The following LDLRAD4 variants were observed in gnomAD, a reference collection of about 807,000 sequenced individuals.
LDLRAD4 encodes the protein low density lipoprotein receptor class A domain containing 4.
A neutral mutation model predicts 17.0 loss-of-function variants in LDLRAD4; 5 were observed. The ratio of observed to expected loss-of-function variants is 0.29; its 90% CI spans 0.15 to 0.62. LDLRAD4 has a LOEUF of 0.62. Among genes scored for constraint, LDLRAD4 ranks in the 20% least tolerant of loss-of-function variants. The probability of loss-of-function intolerance (pLI) is 0.84; values close to 1 mark genes in which losing one functional copy is unlikely to be tolerated. For missense variants in LDLRAD4, 340 were observed against 424.7 expected, an observed-to-expected ratio of 0.80 and a Z score of 1.75; for synonymous variants, 168 against 171.8, an observed-to-expected ratio of 0.98 and a Z score of 0.17.
chr18:13,635,891 G>T (rs928930341), intron 4 of LDLRAD4, among the ~76,000 whole-genome samples: 3 of 151,862 alleles, frequency 2.0e-5, no homozygotes, highest in Admixed American at 6.6e-5. Flanking sequence ...CTAGACTAAC[G>T]TTAGAGTTCC....
At chr18:13,395,167 G>A (rs1344983270) in intron 2 of LDLRAD4, among the ~76,000 whole-genome samples, 1 of 152,030 alleles carries the variant, frequency 6.6e-6, no homozygotes, top group Non-Finnish European at 1.5e-5. Context: ...ATAATGGCCA[G>A]TGAGTAGGTT....
intron 1 of LDLRAD4, among the ~76,000 whole-genome samples, chr18:13,252,356 T>C (rs1469303124): frequency 6.6e-6 from 1 of 152,190 alleles, no homozygotes; most frequent in Non-Finnish European, 1.5e-5. Context: ...CTCGAACTCC[T>C]GAGCTCAGGT....
intron 2 of LDLRAD4, among the ~76,000 whole-genome samples, chr18:13,437,377 G>A (rs1314464492): frequency 6.6e-6 from 1 of 152,246 alleles, no homozygotes; most frequent in East Asian, 1.9e-4. Context: ...GACAGTCACT[G>A]TAAGATGTAA....
At chr18:13,246,689 A>C (rs2042972559) in intron 1 of LDLRAD4, among the ~76,000 whole-genome samples, 1 of 152,224 alleles carries the variant, frequency 6.6e-6, no homozygotes, top group Non-Finnish European at 1.5e-5. Context: ...GTGTCTTGGA[A>C]AATTGGCCTC....
At chr18:13,507,196 G>T (rs2093707648) in intron 3 of LDLRAD4, among the ~76,000 whole-genome samples, 1 of 151,618 alleles carries the variant, frequency 6.6e-6, no homozygotes, top group African/African-American at 2.4e-5. Flanking sequence ...TAGGTTTTTT[G>T]GGGAACAGGT....
At chr18:13,246,053 A>G (rs1598876753) in intron 1 of LDLRAD4, among the ~76,000 whole-genome samples, 2 of 152,368 alleles carry the variant, frequency 1.3e-5, no homozygotes, top group Middle Eastern at 3.4e-3. Context: ...TTAAAAATGC[A>G]TTGTTAAAAA....
intron 3 of LDLRAD4, among the ~76,000 whole-genome samples, chr18:13,528,669 A>G (rs544801174): frequency 3.3e-5 from 5 of 152,286 alleles, no homozygotes; most frequent in African/African-American, 7.2e-5. Context: ...GGTTAGTATA[A>G]TTTACGTAAG....
chr18:13,493,497 T>C (rs979508921), intron 3 of LDLRAD4, among the ~76,000 whole-genome samples: 3 of 152,184 alleles, frequency 2.0e-5, no homozygotes, highest in Non-Finnish European at 4.4e-5. Flanking sequence ...TGTTTCCTCT[T>C]TTGCACTGTG....
chr18:13,595,776 G>A (rs563132146), intron 3 of LDLRAD4, among the ~76,000 whole-genome samples: 3 of 152,212 alleles, frequency 2.0e-5, no homozygotes, highest in South Asian at 4.2e-4. Flanking sequence ...TATATATTGG[G>A]TGATTTCAAT....
At position 13,353,472 on chromosome 18, in the gene LDLRAD4, T is replaced by G. The variant is rs533957677; in HGVS notation, c.-382-33869T>G. Among the ~76,000 whole-genome samples, 123 of 152,370 alleles carry G rather than the reference T, an allele frequency of 8.1e-4. 1 individual carries two copies. Among genetic ancestry groups the G allele is most frequent in the Admixed American group, 3.4e-3 (52 of 15,304 alleles). On this transcript the variant is annotated intron_variant, in intron 1 of 5. Coordinates refer to ENST00000359446, the Ensembl canonical transcript of LDLRAD4. The stretch of plus-strand genomic sequence containing the variant: ...CTCTCACCTTGGCTGCTGGACCTTA[T>G]GTATTCTATTGTATTCCTCTGCCTG...
chr18:13,397,842 AT>A (rs1399496207), intron 2 of LDLRAD4, among the ~76,000 whole-genome samples: 2 of 152,222 alleles, frequency 1.3e-5, no homozygotes, highest in Non-Finnish European at 2.9e-5. Flanking sequence ...ATTGCAGAAA[AT>A]TCAGGGTGTT....
At chr18:13,457,729 G>C (rs956683320) in intron 3 of LDLRAD4, among the ~76,000 whole-genome samples, 1 of 152,114 alleles carries the variant, frequency 6.6e-6, no homozygotes, top group Non-Finnish European at 1.5e-5. Context: ...TGGTTCACAG[G>C]CCCTCCCCAA....
chr18:13,245,840 T>C (rs1254423951), intron 1 of LDLRAD4, among the ~76,000 whole-genome samples: 1 of 152,232 alleles, frequency 6.6e-6, no homozygotes, highest in African/African-American at 2.4e-5. Flanking sequence ...TTGATTTTCT[T>C]GTCTCGGGTT....
rs61043271 is a variant in LDLRAD4 at position 13,426,960 on chromosome 18, C to T, written c.41-11284C>T. ...CAGCACTTTGGGAGGCTGAGGCGGGCGGATCACGAAGTTAGCAGATTGAGA... is the reference window on the plus strand; with the variant it reads ...CAGCACTTTGGGAGGCTGAGGCGGGTGGATCACGAAGTTAGCAGATTGAGA... On this transcript the variant is annotated intron_variant, in intron 2 of 5. Coordinates refer to ENST00000359446, the Ensembl canonical transcript of LDLRAD4. 6.2e-3 allele frequency among the ~76,000 whole-genome samples: 944 copies of T among 152,010 alleles called. 11 individuals are homozygous for T. Among genetic ancestry groups the T allele is most frequent in the African/African-American group, 0.02 (839 of 41,440 alleles).
At chr18:13,623,200 G>A (rs1376418897) in intron 4 of LDLRAD4, among the ~76,000 whole-genome samples, 2 of 152,324 alleles carry the variant, frequency 1.3e-5, no homozygotes, top group Non-Finnish European at 1.5e-5. Context: ...GCCCTTTCCC[G>A]GGAAGCGCTG....
At chr18:13,411,229 G>A (rs2088308051) in intron 2 of LDLRAD4, among the ~76,000 whole-genome samples, 1 of 150,346 alleles carries the variant, frequency 6.7e-6, no homozygotes, top group Non-Finnish European at 1.5e-5. Context: ...TTCAACCTGG[G>A]TGACAGAACC....
chr18:13,526,333 A>G (rs1345412356), intron 3 of LDLRAD4: 1 of 152,194 alleles, frequency 6.6e-6, no homozygotes, highest in African/African-American at 2.4e-5. Flanking sequence ...TGTGGAAGGG[A>G]TTTTTATAAT....
At chr18:13,636,794 C>A (rs148604748) in intron 4 of LDLRAD4, among the ~76,000 whole-genome samples, 3 of 149,792 alleles carry the variant, frequency 2.0e-5, no homozygotes, top group Admixed American at 6.7e-5. Flanking sequence ...ACCACCGCAC[C>A]CAGCAATTTT....
chr18:13,422,620 C>A (rs908937167), intron 2 of LDLRAD4, among the ~76,000 whole-genome samples: 2 of 152,014 alleles, frequency 1.3e-5, no homozygotes, highest in Non-Finnish European at 2.9e-5. Context: ...ATGGCTTGAG[C>A]CCAGGTGTTG....
Sources: allele counts gnomAD v4.1 joint callset (sites outside exome capture counted in the v4.1 genomes callset), GRCh38; gene constraint gnomAD v4.1.1; transcripts MANE v1.5; gene names NCBI Gene and HGNC (gene_info 2026-07-23, HGNC 2026-07-21).